Variants in DNMT3A observed in about 807,000 individuals in gnomAD.
The protein encoded by DNMT3A is DNA methyltransferase 3 alpha, also known as DNA (cytosine-5)-methyltransferase 3A.
A neutral mutation model predicts 117.6 loss-of-function variants in DNMT3A; 267 were observed. The observed-to-expected ratio is 2.27, with a 90% CI of 2.05 to 2.51. The LOEUF is 2.51. Ranked by LOEUF, DNMT3A falls within the 30% of genes most tolerant of loss-of-function variation. The pLI is 0.00. For synonymous variants in DNMT3A, 432 were observed against 474.8 expected, an observed-to-expected ratio of 0.91 and a Z score of 1.17; for missense variants, 1,029 against 1,260.2, an observed-to-expected ratio of 0.82 and a Z score of 2.78.
intron 3 of DNMT3A, among the ~76,000 whole-genome samples, chr2:25,295,357 G>A (rs2033028044): frequency 6.6e-6 from 1 of 152,210 alleles, no homozygotes; most frequent in Non-Finnish European, 1.5e-5. Context: ...CTGACTTCCT[G>A]TTTCCTGTTG....
In DNMT3A at chr2:25,252,994, G is replaced by A. The variant is rs530117897; in HGVS notation, c.640-4742C>T. Reference sequence around the variant, plus strand: ...TCAGGCTTCGAGTCCCAGGGCCCCTGCGTCACTCTGGGCCTTCCCTGGATT... The same window carrying A: ...TCAGGCTTCGAGTCCCAGGGCCCCTACGTCACTCTGGGCCTTCCCTGGATT... On this transcript the variant is annotated intron_variant, in intron 6 of 22. Coordinates refer to ENST00000321117, the MANE Select transcript of DNMT3A (RefSeq NM_022552.5). The surrounding 1 kb of genome is among the most constrained non-coding windows in gnomAD (Gnocchi z 5.5). Among the ~76,000 whole-genome samples the A allele has an allele frequency of 3.9e-5, 6 of 152,180 alleles. No homozygotes were observed. The highest frequency in any genetic ancestry group is 7.2e-5 in the African/African-American group (3 of 41,444).
Position 25,248,065 on chromosome 2 carries a change from T to G in DNMT3A, c.827A>C (p.Lys276Thr), listed in dbSNP as rs760086602. 6.2e-7 allele frequency: 1 copy of G among 1,612,590 alleles called. No individual in the cohort carries two copies. Among genetic ancestry groups the G allele is most frequent in the Non-Finnish European group, 8.5e-7 (1 of 1,179,972 alleles). ...GTACTCTGGCTCGTCATCGCCTGCT[T>G]TGGTGGCATTCTTGTCCCCAGCATC... ...GSDAGDKNAT[K>T]AGDDEPEYED... Residue 276 changes from lysine (K) to threonine (T), a missense_variant, in exon 7 of 23, where the codon AAA becomes ACA. By Grantham distance (78) the Lys-to-Thr change is moderately conservative. Coordinates refer to ENST00000321117, the MANE Select transcript of DNMT3A (RefSeq NM_022552.5).
intron 6 of DNMT3A, among the ~76,000 whole-genome samples, chr2:25,272,505 C>T (rs902428386): frequency 2.0e-5 from 3 of 152,160 alleles, no homozygotes; most frequent in African/African-American, 4.8e-5. Context: ...TGCCCCAGGG[C>T]TAAATGAGAA....
intron 3 of DNMT3A, among the ~76,000 whole-genome samples, chr2:25,297,669 C>T (rs1573450450): frequency 6.6e-6 from 1 of 152,162 alleles, no homozygotes; most frequent in South Asian, 2.1e-4. Flanking sequence ...CGCCATCATG[C>T]CCGGCTAATT....
chr2:25,236,629 T>C lies in DNMT3A; in HGVS notation c.2478+307A>G, dbSNP rs1673393532. Reference sequence around the variant, plus strand: ...TCACAGGAGGCTGCTTTGAGGGCTTTTGTAATAGGTTTTGGCCAAAAAATT... The same window carrying C: ...TCACAGGAGGCTGCTTTGAGGGCTTCTGTAATAGGTTTTGGCCAAAAAATT... On this transcript the variant is annotated intron_variant, in intron 21 of 22. Coordinates refer to ENST00000321117, the MANE Select transcript of DNMT3A (RefSeq NM_022552.5). The surrounding 1 kb of genome is among the most constrained non-coding windows in gnomAD (Gnocchi z 4.5). 6.6e-6 allele frequency among the ~76,000 whole-genome samples: 1 copy of C among 151,982 alleles called. No individual in the cohort carries two copies. The highest frequency in any genetic ancestry group is 1.5e-5 in the Non-Finnish European group (1 of 67,994).
At chr2:25,249,729 A>G (rs370223707) in intron 6 of DNMT3A, 74 of 1,614,184 alleles carry the variant, frequency 4.6e-5, no homozygotes, top group Non-Finnish European at 6.2e-5. Context: ...GGATCCCTAC[A>G]AAGGAGAATG....
At position 25,306,189 on chromosome 2, in the gene DNMT3A, T is replaced by A. The variant is rs2033772605; in HGVS notation, c.73-5946A>T. ...GCGTACCCCAATGCCACACAGACAC[T>A]CACATATGCTTGCACACACACCCGT... On this transcript the variant is annotated intron_variant, in intron 2 of 22. Transcript: ENST00000321117. The surrounding 1 kb of genome is among the most constrained non-coding windows in gnomAD (Gnocchi z 4.1). Among the ~76,000 whole-genome samples, 1 of 152,110 alleles carries A rather than the reference T, an allele frequency of 6.6e-6. No homozygotes were observed. The highest frequency in any genetic ancestry group is 1.5e-5 in the Non-Finnish European group (1 of 68,012).
Position 25,241,553 on chromosome 2 carries a change from T to C in DNMT3A, c.2082+9A>G, listed in dbSNP as rs1360778800. On this transcript the variant is annotated intron_variant, in intron 17 of 22. Coordinates refer to ENST00000321117, the MANE Select transcript of DNMT3A (RefSeq NM_022552.5). ...GGAAGACGGGCTGCGCCCCACAGCA[T>C]GGACATACATGCTTCTGTGTGACGC... The C allele has an allele frequency of 1.9e-6, 3 of 1,610,318 alleles. No individual in the cohort carries two copies. Among genetic ancestry groups the C allele is most frequent in the Non-Finnish European group, 2.5e-6 (3 of 1,178,428 alleles).
intron 6 of DNMT3A, among the ~76,000 whole-genome samples, chr2:25,263,667 G>A (rs942054624): frequency 6.6e-6 from 1 of 152,098 alleles, no homozygotes; most frequent in Non-Finnish European, 1.5e-5. Flanking sequence ...AGAGAACATT[G>A]GCTATTATAT....
At chr2:25,279,481 C>T (rs2031721946) in intron 4 of DNMT3A, among the ~76,000 whole-genome samples, 1 of 151,810 alleles carries the variant, frequency 6.6e-6, no homozygotes, top group Admixed American at 6.6e-5. Context: ...CGTGACCGAG[C>T]CTCCACACCC....
At chr2:25,245,114 T>C in intron 13 of DNMT3A, 139 bp downstream of exon 13, 1 of 748,422 alleles carries the variant, frequency 1.3e-6, no homozygotes, top group Non-Finnish European at 2.2e-6. Flanking sequence ...AGGACTCTGC[T>C]TCCAGAGGAA....
rs1242966251 is a variant in DNMT3A, at chr2:25,246,016, T to C, written c.1474+4A>G. 1 of 1,613,846 alleles carries C rather than the reference T, an allele frequency of 6.2e-7. No homozygotes were observed. Among genetic ancestry groups the C allele is most frequent in the Non-Finnish European group, 8.5e-7 (1 of 1,179,812 alleles). On this transcript the variant is annotated splice_donor_region_variant and intron_variant, in intron 12 of 22. Transcript: ENST00000321117. ...GTGCCAGAGTTCCCAGGCAACAAAC[T>C]TACCCTCAATGTTCCGGCACTTCTG...
In DNMT3A at chr2:25,233,791, C is replaced by CAAAAAAAAAAAAAA. The variant is rs1673021483; in HGVS notation, c.*487_*488insTTTTTTTTTTTTTT. The CAAAAAAAAAAAAAA allele has an allele frequency of 5.5e-6, 1 of 180,684 alleles. No homozygotes were observed. Among genetic ancestry groups the CAAAAAAAAAAAAAA allele is most frequent in the East Asian group, 8.0e-5 (1 of 12,564 alleles). The allele number at this position is 180,684 out of a possible 1,614,324, so 11.2% of individuals were successfully genotyped here. ...AAAAAAAAAACCCAAAAAAAAAAAA[C>CAAAAAAAAAAAAAA]AAAAAACAAAAAAAAAAACAACCCA... On this transcript the variant is annotated 3_prime_UTR_variant, in exon 23 of 23. Transcript: ENST00000321117.
chr2:25,234,412 C>T lies in DNMT3A; in HGVS notation c.2606G>A (p.Gly869Asp). The change falls in exon 23 of 23, where the codon GGT becomes GAT. Residue 869 changes from glycine (G) to aspartate (D), a missense_variant. Coordinates refer to ENST00000321117, the MANE Select transcript of DNMT3A (RefSeq NM_022552.5). This position sits in a 1 kb window ranked among gnomAD's most constrained non-coding sequence, Gnocchi z 4.5. ...LWCTEMERVF[G>D]FPVHYTDVSN... ...GACGTCAGTATAGTGGACTGGGAAA[C>T]CAAATACCCTGGGGGAGAAAAGGCA... 6.2e-7 allele frequency: 1 copy of T among 1,613,030 alleles called. No individual in the cohort carries two copies. The highest frequency in any genetic ancestry group is 8.5e-7 in the Non-Finnish European group (1 of 1,179,396).
At chr2:25,307,526 C>A (rs1034088727) in intron 2 of DNMT3A, among the ~76,000 whole-genome samples, 2 of 136,014 alleles carry the variant, frequency 1.5e-5, no homozygotes, top group Non-Finnish European at 3.1e-5. Context: ...AGTGCAATGG[C>A]GAGATCTTGG....
At position 25,234,623 on chromosome 2, in the gene DNMT3A, CACCA is replaced by C. The variant is rs764253167; in HGVS notation, c.2598-207_2598-204del. Among the ~76,000 whole-genome samples the C allele has an allele frequency of 6.6e-6, 1 of 152,230 alleles. No individual in the cohort carries two copies. Among genetic ancestry groups the C allele is most frequent in the Non-Finnish European group, 1.5e-5 (1 of 68,044 alleles). On this transcript the variant is annotated intron_variant, in intron 22 of 22. Coordinates refer to ENST00000321117, the MANE Select transcript of DNMT3A (RefSeq NM_022552.5). The surrounding 1 kb of genome is among the most constrained non-coding windows in gnomAD (Gnocchi z 4.5). ...TTTATAAACAACCCGGCACTCAGAT[CACCA>C]ACCATGTGCCAGGCACTGTGCTGGT...
At chr2:25,300,725 A>ACG (rs2033435946) in intron 2 of DNMT3A, among the ~76,000 whole-genome samples, 1 of 21,148 alleles carries the variant, frequency 4.7e-5, no homozygotes, top group African/African-American at 2.3e-4. Flanking sequence ...ATATATATAT[A>ACG]TATATATATA....
intron 2 of DNMT3A, among the ~76,000 whole-genome samples, chr2:25,310,004 CAA>C (rs1401255923): frequency 6.6e-6 from 1 of 152,176 alleles, no homozygotes; most frequent in African/African-American, 2.4e-5. Flanking sequence ...TGCAGTGAAA[CAA>C]GATCACGCCA....
chr2:25,272,803 C>CTTTTTTTTTTTTTT lies in DNMT3A; in HGVS notation c.639+2124_639+2137dup, dbSNP rs1217338234. On this transcript the variant is annotated intron_variant, in intron 6 of 22. Coordinates refer to ENST00000321117, the MANE Select transcript of DNMT3A (RefSeq NM_022552.5). Reference sequence around the variant, plus strand: ...ACCCCCACCCTGTTCTGCACTTTCTCTTTTTTTTTTTTTTTTGAGACGGAA... The same window carrying CTTTTTTTTTTTTTT: ...ACCCCCACCCTGTTCTGCACTTTCTCTTTTTTTTTTTTTTTTTTTTTTTTTTTTTTGAGACGGAA... 4.2e-3 allele frequency among the ~76,000 whole-genome samples: 542 copies of CTTTTTTTTTTTTTT among 130,476 alleles called. 6 individuals are homozygous for CTTTTTTTTTTTTTT. Among genetic ancestry groups the CTTTTTTTTTTTTTT allele is most frequent in the Non-Finnish European group, 6.2e-3 (376 of 60,218 alleles). The allele number at this position is 130,476 out of a possible 152,430, so 85.6% of individuals were successfully genotyped here.
Sources: gnomAD v4.1 joint callset for allele counts (sites outside exome capture counted in the v4.1 genomes callset) on GRCh38, gnomAD v4.1.1 for gene constraint, Gnocchi (gnomAD v3.1) non-coding constraint, MANE v1.5 for transcripts, NCBI Gene and HGNC (gene_info 2026-07-23, HGNC 2026-07-21) for gene names.